LIMS2: variants seen among roughly 807,000 people sequenced by gnomAD.
LIMS2 encodes LIM zinc finger domain containing 2, also known as LIM and senescent cell antigen-like-containing domain protein 2.
LIMS2 carries 30 observed loss-of-function variants against 45.3 expected under a neutral mutation model. That is an observed-to-expected ratio of 0.66 (90% CI 0.50 to 0.90). The LOEUF is 0.90. Ranked by LOEUF, LIMS2 falls within the 40% of genes least tolerant of loss-of-function variation. LIMS2 has a pLI of 0.00. For missense variants in LIMS2, 485 were observed against 468.7 expected (o/e 1.03, Z -0.32); for synonymous variants, 173 against 188.0 (o/e 0.92, Z 0.65).
At chr2:127,676,241 G>T (rs968618158), upstream of LIMS2, among the ~76,000 whole-genome samples, 1 of 152,174 alleles carries the variant, frequency 6.6e-6, no homozygotes, top group South Asian at 2.1e-4. Flanking sequence ...TGGCAGCAGA[G>T]AAAGATGATC....
rs747083480 is a variant in LIMS2, at chr2:127,639,346, T to C, written c.961A>G (p.Lys321Glu). ...KFPLELKKRL[K>E]KLSELTSRKA... is the part of the protein sequence containing the mutation. ...CGGGAGGTCAGCTCCGACAGCTTCT[T>C]CAGCCGCTTCTTCAGCTCCAGCGGG... is the stretch of plus-strand genomic sequence containing the variant. The change falls in exon 10 of 10, where the codon AAG becomes GAG. Residue 321 changes from lysine (K) to glutamate (E), a missense_variant. By Grantham distance (56) the Lys-to-Glu change is moderately conservative. Transcript: ENST00000355119. The C allele has an allele frequency of 1.2e-6, 2 of 1,613,972 alleles. No homozygotes were observed. Among genetic ancestry groups the C allele is most frequent in the Non-Finnish European group, 1.7e-6 (2 of 1,179,934 alleles).
At position 127,643,070 on chromosome 2, in the gene LIMS2, T is replaced by C. The variant is rs760786541; in HGVS notation, c.362A>G (p.His121Arg). The C allele has an allele frequency of 1.9e-6, 3 of 1,575,908 alleles. No individual in the cohort carries two copies. The highest frequency in any genetic ancestry group is 2.6e-6 in the Non-Finnish European group (3 of 1,162,024). The change falls in exon 5 of 10, where the codon CAT becomes CGT. Residue 121 changes from histidine to arginine, a missense_variant and splice_region_variant. Physicochemically the swap from His to Arg is conservative, Grantham distance 29. Transcript: ENST00000355119. ...ACGGTTGTGGCAAGGCCGGCAGAGATGCCTGCGGGAGGCGGGGGCATTAGG... is the reference window on the plus strand; with the variant it reads ...ACGGTTGTGGCAAGGCCGGCAGAGACGCCTGCGGGAGGCGGGGGCATTAGG... Reference protein sequence around the residue: ...DLGFVKNAGRHLCRPCHNREK... With the variant: ...DLGFVKNAGRRLCRPCHNREK...
In LIMS2 at chr2:127,664,730, C is replaced by G. The variant is rs1249678914; in HGVS notation, c.12-7168G>C. The G allele has an allele frequency of 2.3e-6, 1 of 436,640 alleles. No individual in the cohort carries two copies. The highest frequency in any genetic ancestry group is 2.1e-5 in the African/African-American group (1 of 46,696). 27.0% of individuals were successfully genotyped at this position (436,640 alleles called of 1,614,324 possible). ...AGTGGCGGCAGGACACCCAGGAGGT[C>G]TCCGGCTGCCACCTGCCAGGAGGAA... On this transcript the variant is annotated intron_variant, in intron 1 of 9. Transcript: ENST00000355119. The surrounding 1 kb of genome is among the most constrained non-coding windows in gnomAD (Gnocchi z 5.5).
In LIMS2 at chr2:127,674,828, G is replaced by T. The variant is rs1009594492; in HGVS notation, c.11+186C>A. On this transcript the variant is annotated intron_variant, in intron 1 of 9. Coordinates refer to ENST00000355119, the MANE Select transcript of LIMS2 (RefSeq NM_001161403.3). ...CGCTGCAGGCGCTCGCCCAGAGGAA[G>T]AGGCGCGGGGGCTGGGGGACCCCTG... The T allele has an allele frequency of 3.0e-6, 3 of 985,282 alleles. No homozygotes were observed. The African/African-American group carries it at 5.2e-5, about 17-fold the overall frequency. 61.0% of individuals were successfully genotyped at this position (985,282 alleles called of 1,614,324 possible).
chr2:127,668,668 CAAAAAAAAAAAAAAAAAAAAAAAAAAAA>C (rs70985469), intron 1 of LIMS2, among the ~76,000 whole-genome samples: 1 of 17,250 alleles, frequency 5.8e-5, no homozygotes, highest in Non-Finnish European at 1.1e-4. Context: ...GACTCCGTCT[CAAAAAAAAAAAAAAAAAAAAAAAAAAAA>C]AAAAAAAAAA....
At position 127,653,011 on chromosome 2, in the gene LIMS2, G is replaced by A. The variant is rs1412616247; in HGVS notation, c.359+1413C>T. ...GGCTCGCTCCACACACCCTGTCGGC[G>A]ACGTTGCTGGTCAGCACGAGCTCCT... On this transcript the variant is annotated intron_variant, in intron 4 of 9. Coordinates refer to ENST00000355119, the MANE Select transcript of LIMS2 (RefSeq NM_001161403.3). The surrounding 1 kb of genome is among the most constrained non-coding windows in gnomAD (Gnocchi z 5.3). 2.0e-5 allele frequency among the ~76,000 whole-genome samples: 3 copies of A among 152,234 alleles called. No homozygotes were observed. The highest frequency in any genetic ancestry group is 2.9e-5 in the Non-Finnish European group (2 of 68,036).
chr2:127,648,226 T>C (rs1683212989), intron 4 of LIMS2: 14 of 984,552 alleles, frequency 1.4e-5, no homozygotes, highest in African/African-American at 1.7e-5. Flanking sequence ...CAGGAAACCA[T>C]CTCTGGTGTT....
intron 1 of LIMS2, among the ~76,000 whole-genome samples, chr2:127,661,317 C>T (rs1171895448): frequency 1.3e-5 from 2 of 152,246 alleles, no homozygotes; most frequent in African/African-American, 4.8e-5. Context: ...GAATGAATGG[C>T]ACCCACGTGT....
intron 1 of LIMS2, among the ~76,000 whole-genome samples, chr2:127,668,668 C>CAAAAAAAAAAAAAAAAAAAAAAAA (rs70985469): frequency 1.2e-4 from 2 of 17,268 alleles, no homozygotes; most frequent in Non-Finnish European, 2.2e-4. Context: ...GACTCCGTCT[C>CAAAAAAAAAAAAAAAAAAAAAAAA]AAAAAAAAAA....
chr2:127,666,716 G>A (rs1366200653), intron 1 of LIMS2, among the ~76,000 whole-genome samples: 1 of 152,188 alleles, frequency 6.6e-6, no homozygotes, highest in Admixed American at 6.5e-5. Context: ...CAGTTGAACA[G>A]GGCTGGGGAG....
chr2:127,642,762 C>T lies in LIMS2; in HGVS notation c.509+161G>A, dbSNP rs1682563268. On this transcript the variant is annotated intron_variant, in intron 5 of 9. Transcript: ENST00000355119. This position sits in a 1 kb window ranked among gnomAD's most constrained non-coding sequence, Gnocchi z 5.3. The stretch of plus-strand genomic sequence containing the variant: ...CCATGGCTGCTTCCCAGCCCCCAGC[C>T]CACCTCTGCCCTGCAGCCTTGCTCT... The T allele has an allele frequency of 1.3e-6, 1 of 760,148 alleles. No individual in the cohort carries two copies. The highest frequency in any genetic ancestry group is 1.9e-5 in the South Asian group (1 of 53,734). The allele number at this position is 760,148 out of a possible 1,614,324, so 47.1% of individuals were successfully genotyped here. A position where few individuals can be genotyped will look rare whatever the true frequency, so the allele number is the denominator to read the frequency against.
At chr2:127,651,297 A>G in intron 4 of LIMS2, 1 of 1,608,542 alleles carries the variant, frequency 6.2e-7, no homozygotes, top group Non-Finnish European at 8.5e-7. Flanking sequence ...GTACCGGGAG[A>G]AGGCCTCCCA....
chr2:127,639,452 G>C, intron 9 of LIMS2, 24 bp from the exon 10 acceptor site: 2 of 1,612,422 alleles, frequency 1.2e-6, no homozygotes, highest in Non-Finnish European at 1.7e-6. Flanking sequence ...TGAGCTGTCA[G>C]CAGAGCCCCA....
chr2:127,651,594 A>G, intron 4 of LIMS2: 2 of 1,613,356 alleles, frequency 1.2e-6, no homozygotes, highest in Non-Finnish European at 1.7e-6. Context: ...CTGCCTCACC[A>G]GCCTCAACGG....
chr2:127,640,159 G>A lies in LIMS2; in HGVS notation c.803-14C>T, dbSNP rs115873946. On this transcript the variant is annotated splice_polypyrimidine_tract_variant and intron_variant, in intron 8 of 9. Coordinates refer to ENST00000355119, the MANE Select transcript of LIMS2 (RefSeq NM_001161403.3). ...GGGCCGACACCACTGTGAGGGAAGC[G>A]TGGGACTCAGCAGGCCTGGCTAGGC... 6,656 of 1,613,176 alleles carry A rather than the reference G, an allele frequency of 4.1e-3. 197 individuals are homozygous for A. In the African/African-American group the frequency reaches 0.068, roughly 16 times the overall value.
chr2:127,641,602 G>C (rs1457094493), intron 6 of LIMS2: 1 of 161,136 alleles, frequency 6.2e-6, no homozygotes, highest in African/African-American at 2.4e-5. Context: ...ACTGTTCCCA[G>C]TGTACCCATG....
At position 127,640,991 on chromosome 2, in the gene LIMS2, G is replaced by A. The variant is rs752175972; in HGVS notation, c.661-3C>T. On this transcript the variant is annotated splice_polypyrimidine_tract_variant and splice_region_variant and intron_variant, in intron 6 of 9. Transcript: ENST00000355119. ...TCACACTTGGCACAGACAAAGTGCT[G>A]CAAGGACAAAGGGCGGGCCGGGTGG... is the stretch of plus-strand genomic sequence containing the variant. 6.2e-7 allele frequency: 1 copy of A among 1,613,496 alleles called. No homozygotes were observed. Among genetic ancestry groups the A allele is most frequent in the South Asian group, 1.1e-5 (1 of 91,080 alleles).
intron 1 of LIMS2, among the ~76,000 whole-genome samples, chr2:127,661,551 G>A (rs1156972374): frequency 2.0e-5 from 3 of 152,210 alleles, no homozygotes; most frequent in Admixed American, 6.5e-5. Context: ...AGTCTGTCCA[G>A]TTATCCCCCA....
rs1481374759 is a variant in LIMS2 at position 127,675,053 on chromosome 2, C to T, written c.-29G>A. The T allele has an allele frequency of 2.4e-5, 25 of 1,025,648 alleles. No individual in the cohort carries two copies. The highest frequency in any genetic ancestry group is 2.2e-4 in the African/African-American group (13 of 58,606). The allele number at this position is 1,025,648 out of a possible 1,614,324, so 63.5% of individuals were successfully genotyped here. A position where few individuals can be genotyped will look rare whatever the true frequency, so the allele number is the denominator to read the frequency against. ...GGCAGCGACGCCGAGCCCTGGGTTG[C>T]CGGGGTTGCCGCGGGTCTCCCTCTG... is the stretch of plus-strand genomic sequence containing the variant. On this transcript the variant is annotated 5_prime_UTR_variant, in exon 1 of 10. Transcript: ENST00000355119.
Sources: allele counts gnomAD v4.1 joint callset (sites outside exome capture counted in the v4.1 genomes callset), GRCh38; gene constraint gnomAD v4.1.1; non-coding constraint Gnocchi (gnomAD v3.1); transcripts MANE v1.5; gene names NCBI Gene and HGNC (gene_info 2026-07-23, HGNC 2026-07-21).